PTPRD: variants seen among roughly 807,000 people sequenced by gnomAD.
The protein encoded by PTPRD is protein tyrosine phosphatase receptor type D, also known as receptor-type tyrosine-protein phosphatase delta.
In PTPRD, 34 loss-of-function variants were observed where a neutral mutation model predicts 214.5. The observed-to-expected ratio is 0.16, with a 90% CI of 0.12 to 0.21. PTPRD has a LOEUF of 0.21. Ranked by LOEUF, PTPRD falls within the 10% of genes least tolerant of loss-of-function variation. The pLI, the probability that PTPRD is intolerant of heterozygous loss-of-function variation, is 1.00. For synonymous variants in PTPRD, 1,128 were observed against 845.7 expected (o/e 1.33, Z -5.79); for missense variants, 2,545 against 2,398.7 (o/e 1.06, Z -1.27).
rs1222679733 is a variant in PTPRD, at chr9:8,713,668, C to CG, written c.64+20111dup. 9 of 1,510,546 alleles carry CG rather than the reference C, an allele frequency of 6.0e-6. No individual in the cohort carries two copies. The Middle Eastern group carries it at 7.0e-4, about 117-fold the overall frequency. 93.6% of individuals were successfully genotyped at this position (1,510,546 alleles called of 1,614,324 possible). A position where few individuals can be genotyped will look rare whatever the true frequency, so the allele number is the denominator to read the frequency against. On this transcript the variant is annotated intron_variant, in intron 12 of 45. Transcript: ENST00000381196. ...AGACATGGGCGCCCGGCACCGCGCC[C>CG]GGGCCCACTCCATTCAGATCATGAT...
chr9:10,339,766 C>T (rs2096905971), intron 3 of PTPRD, among the ~76,000 whole-genome samples: 1 of 151,538 alleles, frequency 6.6e-6, no homozygotes, highest in Admixed American at 6.6e-5. Context: ...TTTTCACTCC[C>T]CACATTGCTC....
intron 2 of PTPRD, among the ~76,000 whole-genome samples, chr9:10,591,066 C>T (rs1360378406): frequency 6.6e-6 from 1 of 151,864 alleles, no homozygotes; most frequent in African/African-American, 2.4e-5. Flanking sequence ...AAGGAAAAGA[C>T]TGATGGGCAG....
At chr9:9,938,713 G>A (rs1279903823) in intron 4 of PTPRD, 103 bp from the exon 5 acceptor site, 1 of 152,104 alleles carries the variant, frequency 6.6e-6, no homozygotes, top group Non-Finnish European at 1.5e-5. Flanking sequence ...TCATTTATCA[G>A]AATGCTCAAC....
intron 3 of PTPRD, among the ~76,000 whole-genome samples, chr9:10,257,569 G>A (rs1342698195): frequency 6.6e-6 from 1 of 152,154 alleles, no homozygotes; most frequent in Non-Finnish European, 1.5e-5. Context: ...TACAATTTGG[G>A]CTGACTTCCT....
intron 4 of PTPRD, among the ~76,000 whole-genome samples, chr9:9,958,339 G>C (rs2094110620): frequency 6.6e-6 from 1 of 152,172 alleles, no homozygotes; most frequent in Admixed American, 6.5e-5. Context: ...AGGCCAGCCT[G>C]ACCAACATGG....
intron 37 of PTPRD, among the ~76,000 whole-genome samples, chr9:8,383,918 C>G (rs965844458): frequency 6.6e-6 from 1 of 152,140 alleles, no homozygotes; most frequent in African/African-American, 2.4e-5. Context: ...ACTGCTAATA[C>G]TAATCAGGGT....
chr9:10,324,980 C>T (rs373610280), intron 3 of PTPRD, among the ~76,000 whole-genome samples: 1 of 151,888 alleles, frequency 6.6e-6, no homozygotes, highest in Admixed American at 6.6e-5. Flanking sequence ...TAAATGAGGG[C>T]CATAATACAT....
At chr9:9,029,955 A>G (rs907574538) in intron 10 of PTPRD, among the ~76,000 whole-genome samples, 8 of 151,974 alleles carry the variant, frequency 5.3e-5, no homozygotes, top group Admixed American at 2.6e-4. Flanking sequence ...CTCAATGGCA[A>G]TTCTTTGATG....
At chr9:10,576,607 C>A (rs1353559939) in intron 2 of PTPRD, among the ~76,000 whole-genome samples, 2 of 152,016 alleles carry the variant, frequency 1.3e-5, no homozygotes, top group African/African-American at 4.8e-5. Context: ...GATTTTCTTC[C>A]CTGCTAAACG....
chr9:9,481,700 G>A (rs937179145), intron 8 of PTPRD, among the ~76,000 whole-genome samples: 2 of 151,702 alleles, frequency 1.3e-5, no homozygotes, highest in African/African-American at 4.8e-5. Flanking sequence ...CCTAGAGCTC[G>A]CAAATGTCAT....
chr9:8,613,672 C>T (rs1377418331), intron 14 of PTPRD, among the ~76,000 whole-genome samples: 2 of 152,108 alleles, frequency 1.3e-5, no homozygotes, highest in Admixed American at 6.5e-5. Context: ...AGAGTTCTTC[C>T]TGGGACCAAT....
rs776911231 is a variant in PTPRD, at chr9:9,866,905, G to A, written c.-368+71602C>T. On this transcript the variant is annotated intron_variant, in intron 5 of 45. Coordinates refer to ENST00000381196, the MANE Select transcript of PTPRD (RefSeq NM_002839.4). ...AGAACAACAAAGTTCCTATTAAACC[G>A]CAACAGTTTTTGCTTTTTGGTGGGG... 4.7e-4 allele frequency among the ~76,000 whole-genome samples: 71 copies of A among 151,984 alleles called. 1 individual carries two copies. Among genetic ancestry groups the A allele is most frequent in the African/African-American group, 1.4e-3 (59 of 41,402 alleles).
At chr9:9,314,693 T>C (rs1271916827) in intron 9 of PTPRD, among the ~76,000 whole-genome samples, 2 of 152,074 alleles carry the variant, frequency 1.3e-5, no homozygotes, top group South Asian at 2.1e-4. Flanking sequence ...GGGATTGAAA[T>C]ACAACGTGTG....
At chr9:9,194,533 C>A (rs958512710) in intron 9 of PTPRD, among the ~76,000 whole-genome samples, 4 of 152,102 alleles carry the variant, frequency 2.6e-5, no homozygotes, top group African/African-American at 9.7e-5. Context: ...ACTTCAGCTC[C>A]ATTATAATCT....
At chr9:9,878,763 T>A (rs2067675679) in intron 5 of PTPRD, among the ~76,000 whole-genome samples, 1 of 152,212 alleles carries the variant, frequency 6.6e-6, no homozygotes, top group Admixed American at 6.5e-5. Context: ...TTAACTTTCC[T>A]CTATCTACAT....
rs371804574 is a variant in PTPRD at position 8,922,004 on chromosome 9, C to G, written c.-104+96693G>C. ...ACAAAGACAGATAGAATCCCAGTCTCTCTTCACAAAGGAGAAGTTATTACG... is the reference window on the plus strand; with the variant it reads ...ACAAAGACAGATAGAATCCCAGTCTGTCTTCACAAAGGAGAAGTTATTACG... On this transcript the variant is annotated intron_variant, in intron 11 of 45. Transcript: ENST00000381196. Among the ~76,000 whole-genome samples, 9 of 152,176 alleles carry G rather than the reference C, an allele frequency of 5.9e-5. No individual in the cohort carries two copies. The East Asian group carries it at 1.5e-3, about 26-fold the overall frequency.
intron 2 of PTPRD, among the ~76,000 whole-genome samples, chr9:10,342,582 A>G (rs1565415084): frequency 1.3e-5 from 2 of 152,140 alleles, no homozygotes; most frequent in Non-Finnish European, 1.5e-5. Flanking sequence ...CTAAAAATAA[A>G]GAGTCAAAGT....
intron 11 of PTPRD, among the ~76,000 whole-genome samples, chr9:8,973,855 T>C (rs2099253214): frequency 6.6e-6 from 1 of 152,156 alleles, no homozygotes; most frequent in Admixed American, 6.6e-5. Context: ...TGGCTGCTTG[T>C]ATGTCTTCTT....
intron 2 of PTPRD, among the ~76,000 whole-genome samples, chr9:10,464,896 G>C (rs1407071848): frequency 1.3e-5 from 2 of 151,948 alleles, no homozygotes; most frequent in Non-Finnish European, 2.9e-5. Flanking sequence ...TACTATTTTA[G>C]AAATAGTCAT....
Sources: allele counts gnomAD v4.1 joint callset (sites outside exome capture counted in the v4.1 genomes callset), GRCh38; gene constraint gnomAD v4.1.1; transcripts MANE v1.5; gene names NCBI Gene and HGNC (gene_info 2026-07-23, HGNC 2026-07-21).